C11orf65: variants seen among roughly 807,000 people sequenced by gnomAD.
C11orf65 encodes protein MFI.
C11orf65 carries 38 observed loss-of-function variants against 35.3 expected under a neutral mutation model. The ratio of observed to expected loss-of-function variants is 1.08; its 90% CI spans 0.83 to 1.41. The LOEUF (loss-of-function observed/expected upper bound fraction) is 1.41. Ranked by LOEUF, C11orf65 falls within the 40% of genes most tolerant of loss-of-function variation. The pLI is 0.00. For missense variants in C11orf65, 370 were observed against 367.1 expected (o/e 1.01, Z -0.06); for synonymous variants, 105 against 114.4 (o/e 0.92, Z 0.53).
intron 2 of C11orf65, among the ~76,000 whole-genome samples, chr11:108,461,185 T>C (rs1591620592): frequency 6.6e-6 from 1 of 152,248 alleles, no homozygotes; most frequent in Non-Finnish European, 1.5e-5. Context: ...GTGGATCACC[T>C]GAAGTCAGGA....
intron 2 of C11orf65, among the ~76,000 whole-genome samples, chr11:108,442,395 C>T (rs2093169391): frequency 6.6e-6 from 1 of 152,156 alleles, no homozygotes; most frequent in African/African-American, 2.4e-5. Flanking sequence ...AGTTGGAAAA[C>T]ACTCTTAAGA....
At chr11:108,397,383 G>T (rs1307538517) in intron 6 of C11orf65, among the ~76,000 whole-genome samples, 1 of 149,514 alleles carries the variant, frequency 6.7e-6, no homozygotes, top group Admixed American at 6.7e-5. Flanking sequence ...ATTTTTAGTT[G>T]TATTCACCTT....
chr11:108,454,089 T>C (rs7131306), intron 2 of C11orf65, among the ~76,000 whole-genome samples: 34,018 of 152,042 alleles, frequency 0.22, 4,882 homozygotes, highest in African/African-American at 0.4. Context: ...CTGATCCAAT[T>C]TTCTTACTCA....
chr11:108,331,834 A>G, intron 3 of C11orf65: 2 of 1,591,422 alleles, frequency 1.3e-6, no homozygotes, highest in Non-Finnish European at 1.7e-6. Flanking sequence ...TATGGATTAT[A>G]TTTTTTTGTT....
chr11:108,391,093 T>C (rs1281302283), intron 7 of C11orf65, among the ~76,000 whole-genome samples: 2 of 152,158 alleles, frequency 1.3e-5, no homozygotes, highest in Non-Finnish European at 2.9e-5. Flanking sequence ...CATGTTCTAT[T>C]GTTCAATGAC....
chr11:108,329,467 C>T (rs576189477), downstream of C11orf65, among the ~76,000 whole-genome samples: 16 of 151,616 alleles, frequency 1.1e-4, no homozygotes, highest in South Asian at 4.2e-4. Flanking sequence ...AGTACAGTGG[C>T]GTGATCACTG....
Position 108,365,521 on chromosome 11 carries a change from G to C in C11orf65, c.226+27687C>G, listed in dbSNP as rs1296955906. ...AGCTTGGGTGTGATCTTCAGTATAT[G>C]AATTACCCTTTCATTCAGCCTTTAG... On this transcript the variant is annotated intron_variant, in intron 2 of 3. Transcript: ENST00000524755. 2 of 1,613,436 alleles carry C rather than the reference G, an allele frequency of 1.2e-6. No homozygotes were observed. The highest frequency in any genetic ancestry group is 1.7e-6 in the Non-Finnish European group (2 of 1,179,614).
chr11:108,333,583 TCTATGTA>T (rs1346679968), intron 3 of C11orf65, among the ~76,000 whole-genome samples: 1 of 152,256 alleles, frequency 6.6e-6, no homozygotes, highest in African/African-American at 2.4e-5. Flanking sequence ...GAGTATGTTA[TCTATGTA>T]CTATGCAAAC....
intron 6 of C11orf65, chr11:108,325,413 C>CT (rs1281584977): frequency 6.2e-7 from 1 of 1,613,766 alleles, no homozygotes; most frequent in Non-Finnish European, 8.5e-7. Flanking sequence ...TATCATGGCT[C>CT]TACGCACAGT....
intron 2 of C11orf65, among the ~76,000 whole-genome samples, chr11:108,454,399 A>C (rs185110665): frequency 6.6e-6 from 1 of 151,832 alleles, no homozygotes; most frequent in Non-Finnish European, 1.5e-5. Context: ...CCTGGGTTCA[A>C]GTGATTCTCC....
chr11:108,333,766 C>T, intron 3 of C11orf65: 2 of 835,436 alleles, frequency 2.4e-6, no homozygotes, highest in Non-Finnish European at 4.1e-6. Context: ...ATTTCTCAAT[C>T]AGAGCCTGAA....
At chr11:108,450,625 G>A (rs1392199174) in intron 2 of C11orf65, among the ~76,000 whole-genome samples, 5 of 110,556 alleles carry the variant, frequency 4.5e-5, no homozygotes, top group African/African-American at 1.1e-4. Context: ...GGACTGTTGT[G>A]GGGTGGGGGG....
intron 7 of C11orf65, among the ~76,000 whole-genome samples, chr11:108,387,573 G>T (rs1411009852): frequency 6.6e-6 from 1 of 152,144 alleles, no homozygotes; most frequent in South Asian, 2.1e-4. Context: ...TGTCTCCCAG[G>T]CTGCAGTGCA....
At chr11:108,446,032 G>GATGAAATGA (rs554827022) in intron 2 of C11orf65, among the ~76,000 whole-genome samples, 24 of 152,192 alleles carry the variant, frequency 1.6e-4, no homozygotes, top group African/African-American at 4.6e-4. Flanking sequence ...AGTGATGGAA[G>GATGAAATGA]ATGAAATGAA....
At chr11:108,345,929 G>A in intron 2 of C11orf65, 1 of 1,612,902 alleles carries the variant, frequency 6.2e-7, no homozygotes, top group Non-Finnish European at 8.5e-7. Context: ...TGTACATATA[G>A]TAGATTGAGC....
intron 1 of C11orf65, among the ~76,000 whole-genome samples, chr11:108,463,861 T>G (rs2093500814): frequency 6.6e-6 from 1 of 152,072 alleles, no homozygotes; most frequent in African/African-American, 2.4e-5. Context: ...TCTCTTAATT[T>G]ACAAATAACT....
At chr11:108,344,044 C>T (rs372575017) in intron 2 of C11orf65, among the ~76,000 whole-genome samples, 1 of 152,058 alleles carries the variant, frequency 6.6e-6, no homozygotes, top group African/African-American at 2.4e-5. Context: ...GAGAACTTGC[C>T]CAAGGCCAGT....
Position 108,461,791 on chromosome 11 carries a change from C to T in C11orf65, c.-9-223G>A, listed in dbSNP as rs931893203. Among the ~76,000 whole-genome samples the T allele has an allele frequency of 3.3e-5, 5 of 151,936 alleles. No homozygotes were observed. In the South Asian group the frequency reaches 1.0e-3, roughly 32 times the overall value. On this transcript the variant is annotated intron_variant, in intron 1 of 8. Transcript: ENST00000393084. ...TGTAGGCGTGCACCATCACACCTGG[C>T]TTTCTTTTTTTAATTATTATTTTTT...
intron 3 of C11orf65, chr11:108,334,001 AC>A (rs2086565731): frequency 1.3e-6 from 2 of 1,535,238 alleles, no homozygotes; most frequent in East Asian, 4.5e-5. Flanking sequence ...TTTTTTTTAA[AC>A]TAAATTTTTT....
Sources: gnomAD v4.1 joint callset for allele counts (sites outside exome capture counted in the v4.1 genomes callset) on GRCh38, gnomAD v4.1.1 for gene constraint, MANE v1.5 for transcripts, NCBI Gene and HGNC (gene_info 2026-07-23, HGNC 2026-07-21) for gene names.